The following FOXP1 variants were observed in gnomAD, a reference collection of about 807,000 sequenced individuals.
The protein encoded by FOXP1 is forkhead box P1.
FOXP1 carries 15 observed loss-of-function variants against 98.2 expected under a neutral mutation model. That is an observed-to-expected ratio of 0.15 (90% CI 0.10 to 0.24). FOXP1 has a LOEUF of 0.24. Ranked by LOEUF, FOXP1 falls within the 10% of genes least tolerant of loss-of-function variation. FOXP1 has a pLI of 1.00. For missense variants in FOXP1, 633 were observed against 848.5 expected, an observed-to-expected ratio of 0.75 and a Z score of 3.15; for synonymous variants, 371 against 314.5, an observed-to-expected ratio of 1.18 and a Z score of -1.90.
chr3:70,997,488 T>C (rs1055879433), intron 13 of FOXP1, among the ~76,000 whole-genome samples: 3 of 152,196 alleles, frequency 2.0e-5, no homozygotes, highest in Non-Finnish European at 4.4e-5. Flanking sequence ...GAATCCTTGG[T>C]TAAGGCTTCT....
At chr3:70,966,898 G>T (rs1041926646) in intron 19 of FOXP1, among the ~76,000 whole-genome samples, 2 of 152,150 alleles carry the variant, frequency 1.3e-5, no homozygotes, top group African/African-American at 4.8e-5. Flanking sequence ...TGAATAAAAG[G>T]GACACCAAGT....
chr3:71,220,282 A>T (rs538161022), intron 5 of FOXP1, among the ~76,000 whole-genome samples: 1 of 152,334 alleles, frequency 6.6e-6, no homozygotes, highest in African/African-American at 2.4e-5. Flanking sequence ...AAGACCTGGT[A>T]ACTGATTATA....
At chr3:71,322,707 T>C (rs1267797492) in intron 4 of FOXP1, among the ~76,000 whole-genome samples, 1 of 151,822 alleles carries the variant, frequency 6.6e-6, no homozygotes, top group Non-Finnish European at 1.5e-5. Context: ...CACAGAGAAG[T>C]CTGGAGAAAT....
intron 7 of FOXP1, among the ~76,000 whole-genome samples, chr3:71,098,077 C>A (rs2056629185): frequency 6.6e-6 from 1 of 152,118 alleles, no homozygotes; most frequent in Non-Finnish European, 1.5e-5. Context: ...TGAAACCAAG[C>A]CAAAGTCTGC....
At chr3:71,108,532 G>A (rs1002517938) in intron 7 of FOXP1, among the ~76,000 whole-genome samples, 3 of 152,154 alleles carry the variant, frequency 2.0e-5, no homozygotes, top group Non-Finnish European at 1.5e-5. Context: ...TTGGGAGGTC[G>A]AGGCAGGTGG....
intron 2 of FOXP1, among the ~76,000 whole-genome samples, chr3:71,531,163 G>A (rs547750283): frequency 3.3e-5 from 5 of 152,238 alleles, no homozygotes; most frequent in South Asian, 4.1e-4. Context: ...AATTTCTTCC[G>A]GGCCCAGGGC....
At chr3:71,131,602 C>A (rs1487306384) in intron 6 of FOXP1, among the ~76,000 whole-genome samples, 1 of 152,158 alleles carries the variant, frequency 6.6e-6, no homozygotes, top group Non-Finnish European at 1.5e-5. Flanking sequence ...AGGCCCCAAT[C>A]TTTTCTTCAT....
intron 5 of FOXP1, among the ~76,000 whole-genome samples, chr3:71,232,877 C>CAAAACAAAAAA (rs528237968): frequency 3.2e-5 from 1 of 31,422 alleles, no homozygotes; most frequent in Non-Finnish European, 5.9e-5. Flanking sequence ...AACTCTGTCT[C>CAAAACAAAAAA]AAAAAAAAAA....
intron 2 of FOXP1, chr3:71,581,076 T>C (rs530896519): frequency 1.0e-6 from 1 of 960,750 alleles, no homozygotes; most frequent in East Asian, 1.2e-4. Flanking sequence ...GGTGGGGAGG[T>C]AGGGAAGAGG....
intron 6 of FOXP1, among the ~76,000 whole-genome samples, chr3:71,119,265 T>G (rs2058587223): frequency 6.6e-6 from 1 of 152,230 alleles, no homozygotes; most frequent in African/African-American, 2.4e-5. Flanking sequence ...TATGAGATCC[T>G]GAGCACCCAC....
chr3:71,298,599 T>C (rs1435466492), intron 5 of FOXP1, among the ~76,000 whole-genome samples: 1 of 152,190 alleles, frequency 6.6e-6, no homozygotes, highest in East Asian at 1.9e-4. Context: ...ATCTGAAACG[T>C]ATGTTTGTCC....
intron 3 of FOXP1, among the ~76,000 whole-genome samples, chr3:71,394,522 A>G (rs563427902): frequency 6.6e-6 from 1 of 152,340 alleles, no homozygotes; most frequent in East Asian, 1.9e-4. Flanking sequence ...AGTCTCTTCA[A>G]TGGATCAAAG....
rs2073200808 is a variant in FOXP1, at chr3:71,295,561, CT to C, written c.-12+4258del. On this transcript the variant is annotated intron_variant, in intron 5 of 20. Transcript: ENST00000649528. ...TTTAGTTTTCTCTCAAATAACCTGA[CT>C]TTAAAAAAAAAACTGAACCAATACA... Among the ~76,000 whole-genome samples, 4 of 141,062 alleles carry C rather than the reference CT, an allele frequency of 2.8e-5. No individual in the cohort carries two copies. In the South Asian group the frequency reaches 9.0e-4, roughly 32 times the overall value. The allele number at this position is 141,062 out of a possible 152,430, so 92.5% of individuals were successfully genotyped here.
At chr3:71,134,143 G>GTT (rs1165250006) in intron 6 of FOXP1, among the ~76,000 whole-genome samples, 3 of 152,190 alleles carry the variant, frequency 2.0e-5, no homozygotes, top group Non-Finnish European at 4.4e-5. Flanking sequence ...AAGGCTTTCA[G>GTT]TATCTTGTTT....
chr3:71,498,644 C>T (rs867848883), intron 2 of FOXP1, among the ~76,000 whole-genome samples: 7 of 152,196 alleles, frequency 4.6e-5, no homozygotes, highest in Admixed American at 1.3e-4. Context: ...TAACAGACAA[C>T]ATGCTCATCA....
chr3:71,548,437 G>A (rs1256769731), intron 2 of FOXP1, among the ~76,000 whole-genome samples: 1 of 152,066 alleles, frequency 6.6e-6, no homozygotes, highest in Admixed American at 6.5e-5. Context: ...ACAGGGTCTT[G>A]TACCGTCACC....
intron 6 of FOXP1, among the ~76,000 whole-genome samples, chr3:71,159,315 A>G (rs1360538886): frequency 6.6e-6 from 1 of 152,112 alleles, no homozygotes. Context: ...GGAAAGGTTA[A>G]AAGGGTTATG....
At chr3:71,200,860 C>A (rs1172839286) in intron 5 of FOXP1, among the ~76,000 whole-genome samples, 8 of 152,132 alleles carry the variant, frequency 5.3e-5, no homozygotes, top group Admixed American at 4.6e-4. Flanking sequence ...TGCACAAAAA[C>A]CAAATGGAAA....
intron 5 of FOXP1, among the ~76,000 whole-genome samples, chr3:71,268,229 T>G (rs1325902622): frequency 1.3e-5 from 2 of 151,452 alleles, no homozygotes. Flanking sequence ...TAGCTGGGAC[T>G]ATAGGCGCCC....
Sources: allele counts gnomAD v4.1 joint callset (sites outside exome capture counted in the v4.1 genomes callset), GRCh38; gene constraint gnomAD v4.1.1; transcripts MANE v1.5; gene names NCBI Gene and HGNC (gene_info 2026-07-23, HGNC 2026-07-21).